CGGBP1: variants seen among roughly 807,000 people sequenced by gnomAD.
CGGBP1 encodes the protein CGG triplet repeat-binding protein 1.
Under a neutral mutation model 11.4 loss-of-function variants are expected in CGGBP1, and 4 were observed. The ratio of observed to expected loss-of-function variants is 0.35; its 90% CI spans 0.17 to 0.80. The LOEUF is 0.80. Among genes scored for constraint, CGGBP1 ranks in the 30% least tolerant of loss-of-function variants. The pLI, the probability that CGGBP1 is intolerant of heterozygous loss-of-function variation, is 0.52. For synonymous variants in CGGBP1, 76 were observed against 74.1 expected (o/e 1.03, Z -0.13); for missense variants, 135 against 202.1 (o/e 0.67, Z 2.01).
In CGGBP1 at chr3:88,054,983, T is replaced by A. The variant is rs1210983953; in HGVS notation, c.*490A>T. On this transcript the variant is annotated 3_prime_UTR_variant, in exon 4 of 4. Transcript: ENST00000482016. ...TAAACAGTCATTTCTGCTAGGGATCTGAAGATATAAGAACAGTTTTCCACT... is the reference window on the plus strand; with the variant it reads ...TAAACAGTCATTTCTGCTAGGGATCAGAAGATATAAGAACAGTTTTCCACT... 1 of 133,860 alleles carries A rather than the reference T, an allele frequency of 7.5e-6. No homozygotes were observed. Among genetic ancestry groups the A allele is most frequent in the Non-Finnish European group, 1.6e-5 (1 of 61,550 alleles). 8.3% of individuals were successfully genotyped at this position (133,860 alleles called of 1,614,324 possible).
upstream of CGGBP1, among the ~76,000 whole-genome samples, chr3:88,062,711 A>T (rs945293452): frequency 2.6e-5 from 4 of 152,222 alleles, no homozygotes; most frequent in Non-Finnish European, 5.9e-5. Flanking sequence ...AACCACTTTG[A>T]TATGTTGATT....
intron 2 of CGGBP1, chr3:88,086,107 A>C: frequency 6.8e-6 from 4 of 590,382 alleles, no homozygotes; most frequent in African/African-American, 5.5e-5. Context: ...TATATCGTCA[A>C]AATAAACAGT....
chr3:88,077,331 ATTGTTTT>A (rs1191545404), intron 2 of CGGBP1, among the ~76,000 whole-genome samples: 17 of 139,694 alleles, frequency 1.2e-4, no homozygotes, highest in Admixed American at 7.9e-4. Flanking sequence ...GCAGACTTAA[ATTGTTTT>A]TTTTTTTTTT....
chr3:88,144,811 CATA>C (rs1164760458), intron 1 of CGGBP1: 2 of 151,882 alleles, frequency 1.3e-5, no homozygotes, highest in African/African-American at 4.8e-5. Context: ...TTTTTTTAAA[CATA>C]ATATAGAAAA....
upstream of CGGBP1, among the ~76,000 whole-genome samples, chr3:88,063,508 T>C (rs1313530368): frequency 6.6e-6 from 1 of 152,180 alleles, no homozygotes; most frequent in Non-Finnish European, 1.5e-5. Context: ...ACAATCCTTA[T>C]TTCTTGGTCT....
Position 88,054,991 on chromosome 3 carries a change from T to TA in CGGBP1, c.*481dup, listed in dbSNP as rs1242989066. 9.7e-6 allele frequency: 1 copy of TA among 102,748 alleles called. No homozygotes were observed. The highest frequency in any genetic ancestry group is 3.2e-4 in the East Asian group (1 of 3,126). The allele number at this position is 102,748 out of a possible 1,614,324, so 6.4% of individuals were successfully genotyped here. On this transcript the variant is annotated 3_prime_UTR_variant, in exon 4 of 4. Transcript: ENST00000482016. Reference sequence around the variant, plus strand: ...CATTTCTGCTAGGGATCTGAAGATATAAGAACAGTTTTCCACTATCTCCCT... The same window carrying TA: ...CATTTCTGCTAGGGATCTGAAGATATAAAGAACAGTTTTCCACTATCTCCCT...
At chr3:88,073,205 C>T (rs1426562802) in intron 2 of CGGBP1, among the ~76,000 whole-genome samples, 3 of 151,966 alleles carry the variant, frequency 2.0e-5, no homozygotes, top group East Asian at 1.9e-4. Context: ...GTACAGAATC[C>T]GGAACTGTGG....
chr3:88,126,103 T>G, intron 2 of CGGBP1: 4 of 1,444,024 alleles, frequency 2.8e-6, no homozygotes, highest in Non-Finnish European at 3.6e-6. Flanking sequence ...CCCTTTAAAT[T>G]CACAGAGCCA....
intron 2 of CGGBP1, among the ~76,000 whole-genome samples, chr3:88,125,000 G>C (rs1338681069): frequency 1.3e-5 from 2 of 151,966 alleles, no homozygotes; most frequent in African/African-American, 4.8e-5. Flanking sequence ...CGGATCATGA[G>C]GTCAAGAGAT....
chr3:88,096,830 C>T (rs1254190413), intron 2 of CGGBP1, among the ~76,000 whole-genome samples: 4 of 152,090 alleles, frequency 2.6e-5, no homozygotes, highest in Non-Finnish European at 5.9e-5. Context: ...GTTTCTGTAT[C>T]TGTAGCCATC....
intron 2 of CGGBP1, chr3:88,086,379 A>T (rs1355729557): frequency 6.5e-7 from 1 of 1,534,140 alleles, no homozygotes; most frequent in Non-Finnish European, 8.7e-7. Flanking sequence ...AGCATGTACA[A>T]TATGTTTTGA....
intron 2 of CGGBP1, among the ~76,000 whole-genome samples, chr3:88,088,070 A>G (rs1297696853): frequency 6.6e-6 from 1 of 152,236 alleles, no homozygotes; most frequent in East Asian, 1.9e-4. Context: ...CAGATAAGGG[A>G]CACTCAACCT....
chr3:88,086,781 TTTG>T (rs1007794144), intron 2 of CGGBP1, among the ~76,000 whole-genome samples: 18 of 152,234 alleles, frequency 1.2e-4, no homozygotes, highest in Admixed American at 9.8e-4. Context: ...GTTTGTTTGT[TTTG>T]TTGTTTTGTT....
chr3:88,087,658 C>T (rs892948006), intron 2 of CGGBP1, among the ~76,000 whole-genome samples: 1 of 152,188 alleles, frequency 6.6e-6, no homozygotes, highest in Non-Finnish European at 1.5e-5. Context: ...ATTGTACTCA[C>T]ACCACAACAG....
At chr3:88,117,710 A>G (rs1466913322) in intron 2 of CGGBP1, among the ~76,000 whole-genome samples, 1 of 152,194 alleles carries the variant, frequency 6.6e-6, no homozygotes, top group East Asian at 1.9e-4. Context: ...AGCACACACA[A>G]TAATCTGGAA....
chr3:88,143,744 G>GC (rs1459985606), intron 1 of CGGBP1: 1 of 151,960 alleles, frequency 6.6e-6, no homozygotes, highest in African/African-American at 2.4e-5. Flanking sequence ...AATTATTTCT[G>GC]CAAGACTGAG....
intron 2 of CGGBP1, chr3:88,095,852 C>T (rs1442203142): frequency 1.5e-5 from 7 of 459,246 alleles, no homozygotes; most frequent in Non-Finnish European, 2.9e-5. Context: ...AAAAGCCTTT[C>T]CACTTCAGCA....
At chr3:88,116,348 T>C (rs757195052) in intron 2 of CGGBP1, among the ~76,000 whole-genome samples, 12 of 151,690 alleles carry the variant, frequency 7.9e-5, no homozygotes, top group Non-Finnish European at 1.6e-4. Context: ...TGGAGAAAAC[T>C]CGTCCCTACT....
intron 2 of CGGBP1, among the ~76,000 whole-genome samples, chr3:88,111,835 T>C (rs982963496): frequency 6.6e-6 from 1 of 151,984 alleles, no homozygotes; most frequent in African/African-American, 2.4e-5. Flanking sequence ...ATAGAATACA[T>C]CATCTCTTTT....
Sources: allele counts gnomAD v4.1 joint callset (sites outside exome capture counted in the v4.1 genomes callset), GRCh38; gene constraint gnomAD v4.1.1; transcripts MANE v1.5; gene names NCBI Gene and HGNC (gene_info 2026-07-23, HGNC 2026-07-21).